The following DDX25 variants were observed in gnomAD, a reference collection of about 807,000 sequenced individuals.
DDX25 encodes the protein DEAD-box helicase 25.
In DDX25, 70 loss-of-function variants were observed where a neutral mutation model predicts 64.6. That is an observed-to-expected ratio of 1.08 (90% CI 0.89 to 1.32). The LOEUF (loss-of-function observed/expected upper bound fraction) is 1.32, where lower values mean the gene tolerates loss of function less well. Among genes scored for constraint, DDX25 ranks in the 40% most tolerant of loss-of-function variants. The pLI is 0.00. For synonymous variants in DDX25, 211 were observed against 213.3 expected (o/e 0.99, Z 0.09); for missense variants, 587 against 604.4 (o/e 0.97, Z 0.30).
At chr11:125,908,622 T>C (rs1944927586) in intron 6 of DDX25, 119 bp downstream of exon 6, 4 of 1,052,444 alleles carry the variant, frequency 3.8e-6, no homozygotes, top group Non-Finnish European at 4.3e-6. Context: ...AGAAAAGACA[T>C]GTTTTCATAA....
chr11:125,917,948 A>G (rs965858798), intron 9 of DDX25, among the ~76,000 whole-genome samples: 1 of 152,040 alleles, frequency 6.6e-6, no homozygotes, highest in African/African-American at 2.4e-5. Flanking sequence ...GCATGATCTC[A>G]GCTCACTGCA....
Position 125,923,076 on chromosome 11 carries a change from G to A in DDX25, c.*195G>A. ...TTGATGTGAAGCTTGTGATCCTTTT[G>A]AATAAAAAAAAGGCAAGATTATTTC... is the stretch of plus-strand genomic sequence containing the variant. On this transcript the variant is annotated 3_prime_UTR_variant, in exon 12 of 12. Transcript: ENST00000263576. 3.6e-6 allele frequency: 2 copies of A among 548,406 alleles called. No individual in the cohort carries two copies. The highest frequency in any genetic ancestry group is 6.5e-6 in the Non-Finnish European group (2 of 309,816). 34.0% of individuals were successfully genotyped at this position (548,406 alleles called of 1,614,324 possible). A position where few individuals can be genotyped will look rare whatever the true frequency, so the allele number is the denominator to read the frequency against.
chr11:125,906,066 T>C lies in DDX25; in HGVS notation c.176-8T>C. On this transcript the variant is annotated splice_polypyrimidine_tract_variant and splice_region_variant and intron_variant, in intron 3 of 11. Coordinates refer to ENST00000263576, the MANE Select transcript of DDX25 (RefSeq NM_013264.5). The stretch of plus-strand genomic sequence containing the variant: ...TTGATGTCCTCTTTTTTATTTTTGC[T>C]TTTCTAGTGGATTTGGCAGCTAATT... The C allele has an allele frequency of 6.6e-7, 1 of 1,524,826 alleles. No individual in the cohort carries two copies. 94.5% of individuals were successfully genotyped at this position (1,524,826 alleles called of 1,614,324 possible). A position where few individuals can be genotyped will look rare whatever the true frequency, so the allele number is the denominator to read the frequency against.
rs1591523832 is a variant in DDX25 at position 125,926,129 on chromosome 11, G to A, written c.*3248G>A. The stretch of plus-strand genomic sequence containing the variant: ...GACCTAGATTAGAAAGAGAACCCCT[G>A]CAGAGACAGTCCAGCTGTTGGGATG... On this transcript the variant is annotated 3_prime_UTR_variant, in exon 12 of 12. Coordinates refer to ENST00000263576, the MANE Select transcript of DDX25 (RefSeq NM_013264.5). 6.6e-6 allele frequency: 1 copy of A among 152,514 alleles called. No homozygotes were observed. The highest frequency in any genetic ancestry group is 1.9e-4 in the East Asian group (1 of 5,202). The allele number at this position is 152,514 out of a possible 1,614,324, so 9.4% of individuals were successfully genotyped here. A position where few individuals can be genotyped will look rare whatever the true frequency, so the allele number is the denominator to read the frequency against.
chr11:125,911,160 A>G (rs915737535), intron 7 of DDX25, 151 bp from the exon 8 acceptor site: 3 of 706,780 alleles, frequency 4.2e-6, no homozygotes, highest in Non-Finnish European at 6.0e-6. Flanking sequence ...ATTCTGCAGA[A>G]TCAAAAACCA....
At chr11:125,903,864 T>C (rs900041291), upstream of DDX25, among the ~76,000 whole-genome samples, 1 of 152,088 alleles carries the variant, frequency 6.6e-6, no homozygotes, top group Non-Finnish European at 1.5e-5. Flanking sequence ...ATGTAGGACG[T>C]AGAGGTTATA....
chr11:125,907,349 C>T (rs1271905856), intron 4 of DDX25, among the ~76,000 whole-genome samples: 3 of 152,172 alleles, frequency 2.0e-5, no homozygotes, highest in African/African-American at 4.8e-5. Flanking sequence ...TGGCTCACGC[C>T]TGTAATCCCA....
intron 9 of DDX25, among the ~76,000 whole-genome samples, chr11:125,917,580 A>G (rs1014079967): frequency 1.3e-5 from 2 of 152,160 alleles, no homozygotes; most frequent in Non-Finnish European, 2.9e-5. Context: ...TTCACTATTA[A>G]CAAAACCCCG....
At chr11:125,916,241 A>G (rs1945034140) in intron 8 of DDX25, among the ~76,000 whole-genome samples, 1 of 152,212 alleles carries the variant, frequency 6.6e-6, no homozygotes, top group African/African-American at 2.4e-5. Context: ...TTTTATTGAT[A>G]TATGAAATAT....
At position 125,906,065 on chromosome 11, in the gene DDX25, C is replaced by G. The variant is rs1307164249; in HGVS notation, c.176-9C>G. The G allele has an allele frequency of 2.0e-6, 3 of 1,521,956 alleles. No homozygotes were observed. The highest frequency in any genetic ancestry group is 2.6e-6 in the Non-Finnish European group (3 of 1,138,730). 94.3% of individuals were successfully genotyped at this position (1,521,956 alleles called of 1,614,324 possible). A position where few individuals can be genotyped will look rare whatever the true frequency, so the allele number is the denominator to read the frequency against. ...CTTGATGTCCTCTTTTTTATTTTTG[C>G]TTTTCTAGTGGATTTGGCAGCTAAT... On this transcript the variant is annotated splice_polypyrimidine_tract_variant and intron_variant, in intron 3 of 11. Coordinates refer to ENST00000263576, the MANE Select transcript of DDX25 (RefSeq NM_013264.5).
Position 125,905,195 on chromosome 11 carries a change from T to C in DDX25, c.64-17T>C. The C allele has an allele frequency of 6.4e-7, 1 of 1,551,266 alleles. No homozygotes were observed. The highest frequency in any genetic ancestry group is 2.4e-5 in the East Asian group (1 of 40,908). Reference sequence around the variant, plus strand: ...GCTTGCATCCTAATATTGGTTGAAATTTGTGTCTCTCAATAGTTTTCAAAC... The same window carrying C: ...GCTTGCATCCTAATATTGGTTGAAACTTGTGTCTCTCAATAGTTTTCAAAC... On this transcript the variant is annotated splice_polypyrimidine_tract_variant and intron_variant, in intron 1 of 11. Coordinates refer to ENST00000263576, the MANE Select transcript of DDX25 (RefSeq NM_013264.5).
At position 125,906,150 on chromosome 11, in the gene DDX25, T is replaced by G. The variant is rs1329441584; in HGVS notation, c.252T>G (p.Val84=). Residue 84 remains valine (V), a synonymous_variant, in exon 4 of 12, where the codon GTT becomes GTG. Transcript: ENST00000263576. ...TAGAATCCAGTCACCGTGTGGAAGTTTTACAGAAGGATCCCAGCTCTCCAC... is the reference window on the plus strand; with the variant it reads ...TAGAATCCAGTCACCGTGTGGAAGTGTTACAGAAGGATCCCAGCTCTCCAC... ...SLVESSHRVE[V]LQKDPSSPLY... The G allele has an allele frequency of 5.2e-6, 8 of 1,551,260 alleles. No individual in the cohort carries two copies. Among genetic ancestry groups the G allele is most frequent in the African/African-American group, 1.4e-5 (1 of 73,012 alleles).
At position 125,926,367 on chromosome 11, in the gene DDX25, G is replaced by T. The variant is rs974717314; in HGVS notation, c.*3486G>T. 6.6e-6 allele frequency: 1 copy of T among 152,168 alleles called. No individual in the cohort carries two copies. The highest frequency in any genetic ancestry group is 2.4e-5 in the African/African-American group (1 of 41,428). 9.4% of individuals were successfully genotyped at this position (152,168 alleles called of 1,614,324 possible). ...TCCACTACTTCTGGGGAATAATGAT[G>T]TATTATCCAAGACCCTCATATCATA... is the stretch of plus-strand genomic sequence containing the variant. On this transcript the variant is annotated 3_prime_UTR_variant, in exon 12 of 12. Transcript: ENST00000263576.
chr11:125,918,631 C>G lies in DDX25; in HGVS notation c.1042C>G (p.Arg348Gly). 6.2e-7 allele frequency: 1 copy of G among 1,611,922 alleles called. No homozygotes were observed. The highest frequency in any genetic ancestry group is 1.1e-5 in the South Asian group (1 of 90,928). ...IGQAIIFCQT[R>G]RNAKWLTVEM... Reference sequence around the variant, plus strand: ...TGGGTTTTGCCTTTTTACATAGACTCGTCGAAACGCTAAGTGGTTGACCGT... The same window carrying G: ...TGGGTTTTGCCTTTTTACATAGACTGGTCGAAACGCTAAGTGGTTGACCGT... Residue 348 changes from arginine (R) to glycine (G), a missense_variant, in exon 10 of 12, where the codon CGT becomes GGT. Coordinates refer to ENST00000263576, the MANE Select transcript of DDX25 (RefSeq NM_013264.5).
intron 8 of DDX25, among the ~76,000 whole-genome samples, chr11:125,915,082 T>A (rs1945019323): frequency 6.6e-6 from 1 of 152,208 alleles, no homozygotes. Context: ...GTGCTGGGAT[T>A]ACAGGTGTGA....
chr11:125,904,435 C>T (rs549424046), upstream of DDX25: 55 of 1,273,156 alleles, frequency 4.3e-5, no homozygotes, highest in African/African-American at 5.3e-4. Context: ...CCTAAGGAAG[C>T]CCATTGGCCA....
In DDX25 at chr11:125,926,276, T is replaced by A. The variant is rs1288476017; in HGVS notation, c.*3395T>A. 6.6e-6 allele frequency: 1 copy of A among 152,352 alleles called. No homozygotes were observed. The highest frequency in any genetic ancestry group is 1.5e-5 in the Non-Finnish European group (1 of 68,152). The allele number at this position is 152,352 out of a possible 1,614,324, so 9.4% of individuals were successfully genotyped here. ...AGGAGCCCAGCCATCTGGCACATAC[T>A]GCTTTTCCCAAGGGAGTAACAGAAA... On this transcript the variant is annotated 3_prime_UTR_variant, in exon 12 of 12. Transcript: ENST00000263576.
At chr11:125,919,695 G>A (rs990606024) in intron 10 of DDX25, among the ~76,000 whole-genome samples, 4 of 152,018 alleles carry the variant, frequency 2.6e-5, no homozygotes, top group Non-Finnish European at 5.9e-5. Flanking sequence ...CATGCTAGGA[G>A]TGGATGCTGA....
rs1224166450 is a variant in DDX25 at position 125,927,566 on chromosome 11, G to A, written c.*4685G>A. 6.6e-6 allele frequency: 1 copy of A among 152,212 alleles called. No individual in the cohort carries two copies. The highest frequency in any genetic ancestry group is 6.5e-5 in the Admixed American group (1 of 15,278). The allele number at this position is 152,212 out of a possible 1,614,324, so 9.4% of individuals were successfully genotyped here. On this transcript the variant is annotated 3_prime_UTR_variant, in exon 12 of 12. Transcript: ENST00000263576. ...TTTCTAGAATATAATTTTCATAAAT[G>A]AGGATGGTCTCCTATTTTGAGCTTA... is the stretch of plus-strand genomic sequence containing the variant.
Sources: allele counts gnomAD v4.1 joint callset (sites outside exome capture counted in the v4.1 genomes callset), GRCh38; gene constraint gnomAD v4.1.1; transcripts MANE v1.5; gene names NCBI Gene and HGNC (gene_info 2026-07-23, HGNC 2026-07-21).